DNAH17: variants seen among roughly 807,000 people sequenced by gnomAD.
DNAH17 encodes axonemal beta dynein heavy chain 17.
In DNAH17, 376 loss-of-function variants were observed where a neutral mutation model predicts 485.6. The observed-to-expected ratio is 0.77, with a 90% CI of 0.71 to 0.84. The LOEUF is 0.84. Ranked by LOEUF, DNAH17 falls within the 40% of genes least tolerant of loss-of-function variation. The probability of loss-of-function intolerance (pLI) is 0.00; values close to 1 mark genes in which losing one functional copy is unlikely to be tolerated. For missense variants in DNAH17, 6,370 were observed against 5,839.3 expected (o/e 1.09, Z -2.96); for synonymous variants, 3,031 against 2,405.9 (o/e 1.26, Z -7.60).
intron 65 of DNAH17, 41 bp from the exon 66 acceptor site, chr17:78,451,714 G>T: frequency 6.7e-7 from 1 of 1,499,920 alleles, no homozygotes; most frequent in South Asian, 1.3e-5. Context: ...GCCTCCCAGT[G>T]ACCAGGGGAG....
chr17:78,484,329 A>G (rs11871219), intron 48 of DNAH17, among the ~76,000 whole-genome samples: 6 of 151,292 alleles, frequency 4.0e-5, no homozygotes, highest in Non-Finnish European at 4.4e-5. Context: ...GTGGCAGGGC[A>G]TTTACACGTG....
In DNAH17 at chr17:78,552,768, A is replaced by G. The variant is rs761674285; in HGVS notation, c.2216T>C (p.Ile739Thr). 5.0e-6 allele frequency: 8 copies of G among 1,613,590 alleles called. No homozygotes were observed. The highest frequency in any genetic ancestry group is 6.8e-6 in the Non-Finnish European group (8 of 1,179,614). ...TIVKAVEFLLIKSELEAIDVK... is the reference protein window; with the variant it reads ...TIVKAVEFLLTKSELEAIDVK... ...ATCAATTGCTTCCAGTTCTGACTTTATTAGTAGAAATTCTACTGCCTTCAC... is the reference window on the plus strand; with the variant it reads ...ATCAATTGCTTCCAGTTCTGACTTTGTTAGTAGAAATTCTACTGCCTTCAC... Residue 739 changes from isoleucine to threonine, a missense_variant, in exon 15 of 81, where the codon ATA becomes ACA. Physicochemically the swap from Ile to Thr is moderately conservative, Grantham distance 89 (BLOSUM62 -1). Coordinates refer to ENST00000389840, the MANE Select transcript of DNAH17 (RefSeq NM_173628.4).
chr17:78,485,274 G>A (rs547705710), intron 47 of DNAH17: 32 of 628,804 alleles, frequency 5.1e-5, no homozygotes, highest in Middle Eastern at 8.6e-4. Flanking sequence ...CCTTTGGGTC[G>A]CCTTAGATTG....
At chr17:78,503,662 T>C (rs934452294) in intron 31 of DNAH17, among the ~76,000 whole-genome samples, 1 of 151,446 alleles carries the variant, frequency 6.6e-6, no homozygotes, top group African/African-American at 2.4e-5. Context: ...AATCAAAGAC[T>C]CACCTAAAAA....
At chr17:78,449,719 C>A in intron 68 of DNAH17, 135 bp from the exon 69 acceptor site, 1 of 932,740 alleles carries the variant, frequency 1.1e-6, no homozygotes, top group Non-Finnish European at 1.6e-6. Flanking sequence ...GCTCTGTCGC[C>A]CAGGCTGGAG....
intron 44 of DNAH17, among the ~76,000 whole-genome samples, chr17:78,487,518 G>C (rs934241380): frequency 1.2e-4 from 18 of 152,196 alleles, no homozygotes; most frequent in East Asian, 3.9e-4. Flanking sequence ...CGGCAGACGT[G>C]CCTCTTTAGA....
chr17:78,429,162 G>A lies in DNAH17; in HGVS notation c.12364C>T (p.Leu4122=), dbSNP rs772402664. Reference sequence around the variant, plus strand: ...GGGGGGATCTGAAAGCCGGGGGCCAGCAGGACGTCTCCCTCCAGCATCTCC... The same window carrying A: ...GGGGGGATCTGAAAGCCGGGGGCCAACAGGACGTCTCCCTCCAGCATCTCC... ...RTEMLEGDVL[L]APGFQIPPNL... is the part of the protein sequence containing the mutation. Residue 4122 remains leucine (L), a synonymous_variant, in exon 76 of 81, where the codon CTG becomes TTG. Transcript: ENST00000389840. 1.2e-6 allele frequency: 2 copies of A among 1,613,698 alleles called. No homozygotes were observed. The highest frequency in any genetic ancestry group is 1.3e-5 in the African/African-American group (1 of 75,016).
chr17:78,576,066 C>T (rs2092428849), intron 1 of DNAH17, among the ~76,000 whole-genome samples: 1 of 152,130 alleles, frequency 6.6e-6, no homozygotes, highest in South Asian at 2.1e-4. Flanking sequence ...TATTCAGCTG[C>T]TCTGGGGGTC....
In DNAH17 at chr17:78,486,531, GAC is replaced by G. The variant is rs770738027; in HGVS notation, c.6819-27_6819-26del. The stretch of plus-strand genomic sequence containing the variant: ...CCTGGGGGTGACAGGAGGCGCCGAT[GAC>G]ACAGCCGCTGCTCTGGGTCTGCCAG... On this transcript the variant is annotated intron_variant, in intron 44 of 80. Transcript: ENST00000389840. The G allele has an allele frequency of 5.5e-5, 87 of 1,579,762 alleles. 1 individual carries two copies. In the South Asian group the frequency reaches 7.1e-4, roughly 13 times the overall value.
At position 78,466,750 on chromosome 17, in the gene DNAH17, C is replaced by T. The variant is rs2088480529; in HGVS notation, c.8845G>A (p.Val2949Ile). 1 of 1,612,480 alleles carries T rather than the reference C, an allele frequency of 6.2e-7. No homozygotes were observed. Among genetic ancestry groups the T allele is most frequent in the Non-Finnish European group, 8.5e-7 (1 of 1,179,382 alleles). ...RVRARKFPAV[V>I]NCTAIDWFHE... ...AACCAGTCGATGGCCGTGCAGTTGA[C>T]CACAGCTGGGAACTTTCTGGCTCGT... Residue 2949 changes from valine to isoleucine, a missense_variant, in exon 56 of 81, where the codon GTC becomes ATC. Val to Ile is a conservative substitution (Grantham distance 29). Coordinates refer to ENST00000389840, the MANE Select transcript of DNAH17 (RefSeq NM_173628.4).
intron 46 of DNAH17, 93 bp downstream of exon 46, chr17:78,485,865 TTG>T (rs2089583967): frequency 1.9e-6 from 3 of 1,570,812 alleles, no homozygotes; most frequent in South Asian, 2.4e-5. Flanking sequence ...TGAAAATCGG[TTG>T]TGTTTGGACA....
Position 78,571,775 on chromosome 17 carries a change from A to T in DNAH17, c.547T>A (p.Ser183Thr), listed in dbSNP as rs1214532806. The T allele has an allele frequency of 4.4e-6, 7 of 1,587,244 alleles. No homozygotes were observed. The South Asian group carries it at 7.0e-5, about 16-fold the overall frequency. Residue 183 changes from serine to threonine, a missense_variant, in exon 4 of 81, where the codon TCT (serine) becomes ACT (threonine). Physicochemically the swap from Ser to Thr is moderately conservative, Grantham distance 58 (BLOSUM62 1). Coordinates refer to ENST00000389840, the MANE Select transcript of DNAH17 (RefSeq NM_173628.4). The stretch of plus-strand genomic sequence containing the variant: ...TGCAGGAGCAAGTTGTCCAGTGAAG[A>T]GGGGATCCTGCCCAGTGGAAGGTTG... ...GTLESMERIPSSLDNLLLHAI... is the reference protein window; with the variant it reads ...GTLESMERIPTSLDNLLLHAI...
intron 73 of DNAH17, 81 bp from the exon 74 acceptor site, chr17:78,437,949 C>T (rs1411527772): frequency 9.2e-7 from 1 of 1,089,726 alleles, no homozygotes; most frequent in Non-Finnish European, 1.3e-6. Context: ...GGCTATGTTC[C>T]CTGGTGAGGG....
intron 24 of DNAH17, 145 bp from the exon 25 acceptor site, chr17:78,525,306 G>A: frequency 5.8e-6 from 7 of 1,206,466 alleles, no homozygotes; most frequent in South Asian, 4.6e-5. Flanking sequence ...TGTCCCACCT[G>A]GAGGGAGGAC....
chr17:78,471,914 T>A (rs2088770479), intron 54 of DNAH17, among the ~76,000 whole-genome samples: 1 of 152,178 alleles, frequency 6.6e-6, no homozygotes, highest in Non-Finnish European at 1.5e-5. Context: ...GGCCGCCTCA[T>A]CCCCAGGTAT....
chr17:78,441,194 A>T lies in DNAH17; in HGVS notation c.11534T>A (p.Phe3845Tyr). ...CTTGCTGCCCATCTTTTCCTCCACG[A>T]AGTTCCTAGGGGTGGAGTGCATCAG... ...PDRMTYAIKN[F>Y]VEEKMGSKFV... Residue 3845 changes from phenylalanine to tyrosine, a missense_variant, in exon 72 of 81, where the codon TTC (phenylalanine) becomes TAC (tyrosine). Phe to Tyr is a conservative substitution (Grantham distance 22). Coordinates refer to ENST00000389840, the MANE Select transcript of DNAH17 (RefSeq NM_173628.4). The T allele has an allele frequency of 6.2e-7, 1 of 1,613,730 alleles. No individual in the cohort carries two copies.
chr17:78,514,741 G>A (rs766830849), intron 26 of DNAH17, 33 bp downstream of exon 26: 1 of 1,605,670 alleles, frequency 6.2e-7, no homozygotes, highest in Non-Finnish European at 8.5e-7. Context: ...GCCGCCAGGG[G>A]CGGTCCCCTC....
Position 78,457,881 on chromosome 17 carries a change from G to A in DNAH17, c.9977+684C>T, listed in dbSNP as rs181719062. Among the ~76,000 whole-genome samples, 107 of 152,150 alleles carry A rather than the reference G, an allele frequency of 7.0e-4. 1 individual carries two copies. In the South Asian group the frequency reaches 0.015, roughly 21 times the overall value. On this transcript the variant is annotated intron_variant, in intron 62 of 80. Coordinates refer to ENST00000389840, the MANE Select transcript of DNAH17 (RefSeq NM_173628.4). The stretch of plus-strand genomic sequence containing the variant: ...TTACCATGTTGGCCAGGCTGCTCTC[G>A]AACCCCTGTTCTCAGGTGATCCACC...
In DNAH17 at chr17:78,501,175, G is replaced by C. The variant is rs746267276; in HGVS notation, c.5483+9C>G. 6.4e-7 allele frequency: 1 copy of C among 1,566,516 alleles called. No homozygotes were observed. Among genetic ancestry groups the C allele is most frequent in the African/African-American group, 1.3e-5 (1 of 74,112 alleles). On this transcript the variant is annotated intron_variant, in intron 35 of 80. Transcript: ENST00000389840. ...GAGCACATGTGAGTTACTCAGGGAC[G>C]GGCCTCACCTGTCAGTGAGTGGGGT... is the stretch of plus-strand genomic sequence containing the variant.
Sources: allele counts gnomAD v4.1 joint callset (sites outside exome capture counted in the v4.1 genomes callset), GRCh38; gene constraint gnomAD v4.1.1; transcripts MANE v1.5; gene names NCBI Gene and HGNC (gene_info 2026-07-23, HGNC 2026-07-21).